The following SLC22A24 variants were observed in gnomAD, a reference collection of about 807,000 sequenced individuals.
SLC22A24 encodes the protein solute carrier family 22 member 24.
A neutral mutation model predicts 49.8 loss-of-function variants in SLC22A24; 53 were observed. That is an observed-to-expected ratio of 1.06 (90% CI 0.85 to 1.34). The LOEUF (loss-of-function observed/expected upper bound fraction) is 1.34. SLC22A24 is among the 40% of genes most tolerant of loss of function. SLC22A24 has a pLI of 0.00. For synonymous variants in SLC22A24, 302 were observed against 256.4 expected (o/e 1.18, Z -1.70); for missense variants, 786 against 675.9 (o/e 1.16, Z -1.81).
Position 63,081,575 on chromosome 11 carries a change from G to A in SLC22A24, c.1377C>T (p.Leu459=), listed in dbSNP as rs1250112543. Residue 459 remains leucine (L), a synonymous_variant, in exon 8 of 10, where the codon CTC becomes CTT. Transcript: ENST00000612278. ...SNSASVHHNE[L]VPTILRSTVA... ...TCTTGTACCTCAATATGGTGGGGAC[G>A]AGCTCGTTGTGGTGGACAGAAGCAC... 9.0e-6 allele frequency: 14 copies of A among 1,551,022 alleles called. No homozygotes were observed. Among genetic ancestry groups the A allele is most frequent in the East Asian group, 4.9e-5 (2 of 40,934 alleles).
chr11:63,131,898 T>G (rs1230266968), intron 2 of SLC22A24, among the ~76,000 whole-genome samples: 1 of 152,226 alleles, frequency 6.6e-6, no homozygotes, highest in Non-Finnish European at 1.5e-5. Flanking sequence ...CCATTTTCCC[T>G]GTCACTTTCA....
In SLC22A24 at chr11:63,096,030, G is replaced by A. The variant is rs559053081; in HGVS notation, c.1031C>T (p.Pro344Leu). The part of the protein sequence containing the change: ...KTSIFSLFRA[P>L]KLRMRVFGLC... ...GCCGAAGACTCTCATTCGCAATTTG[G>A]GTGCACGGAACAGGGAAAAAATGGA... The change falls in exon 6 of 10, where the codon CCC (proline) becomes CTC (leucine). Residue 344 changes from proline (P) to leucine (L), a missense_variant. Pro to Leu is a moderately conservative substitution (Grantham distance 98). Coordinates refer to ENST00000612278, the MANE Select transcript of SLC22A24 (RefSeq NM_001136506.2). 5 of 1,550,798 alleles carry A rather than the reference G, an allele frequency of 3.2e-6. No individual in the cohort carries two copies. The South Asian group carries it at 6.0e-5, about 18-fold the overall frequency.
chr11:63,113,211 T>TAC lies in SLC22A24; in HGVS notation c.830+5699_830+5700dup, dbSNP rs1227393928. Among the ~76,000 whole-genome samples, 14 of 3,364 alleles carry TAC rather than the reference T, an allele frequency of 4.2e-3. 2 individuals are homozygous for TAC. Among genetic ancestry groups the TAC allele is most frequent in the Non-Finnish European group, 0.01 (2 of 194 alleles). The allele number at this position is 3,364 out of a possible 152,430, so 2.2% of individuals were successfully genotyped here. ...ATACACATATATATATACATATATA[T>TAC]ACACATATATATATATACATATATA... is the stretch of plus-strand genomic sequence containing the variant. On this transcript the variant is annotated intron_variant, in intron 4 of 9. Transcript: ENST00000612278.
chr11:63,134,663 AC>A lies in SLC22A24; in HGVS notation c.506+1del. 2.0e-6 allele frequency: 3 copies of A among 1,499,832 alleles called. No homozygotes were observed. Among genetic ancestry groups the A allele is most frequent in the Non-Finnish European group, 2.7e-6 (3 of 1,099,202 alleles). 92.9% of individuals were successfully genotyped at this position (1,499,832 alleles called of 1,614,324 possible). A position where few individuals can be genotyped will look rare whatever the true frequency, so the allele number is the denominator to read the frequency against. Reference sequence around the variant, plus strand: ...CCCCAAAGAAAGTGAGATGACACTCACCTGTCTGAAAGATGGCCATATATTA... The same window carrying A: ...CCCCAAAGAAAGTGAGATGACACTCACTGTCTGAAAGATGGCCATATATTA... On this transcript the variant is annotated splice_donor_variant, in intron 2 of 9. Coordinates refer to ENST00000612278, the MANE Select transcript of SLC22A24 (RefSeq NM_001136506.2). LOFTEE classifies it high-confidence loss of function.
rs569814271 is a variant in SLC22A24 at position 63,111,888 on chromosome 11, C to T, written c.830+7024G>A. On this transcript the variant is annotated intron_variant, in intron 4 of 9. Coordinates refer to ENST00000612278, the MANE Select transcript of SLC22A24 (RefSeq NM_001136506.2). ...GATTTTAGTTATTTCTTGCCTTCTG[C>T]TAGCTTTTGAATGTGTTTGCTCTTG... Among the ~76,000 whole-genome samples the T allele has an allele frequency of 3.9e-5, 6 of 151,962 alleles. No homozygotes were observed. In the East Asian group the frequency reaches 9.7e-4, roughly 24 times the overall value.
chr11:63,110,885 G>T (rs1048221575), intron 4 of SLC22A24, among the ~76,000 whole-genome samples: 47 of 149,440 alleles, frequency 3.1e-4, no homozygotes, highest in Admixed American at 2.1e-3. Context: ...CCAACACTAT[G>T]TTGAATAGGA....
At chr11:63,105,087 G>A (rs2087112200) in intron 4 of SLC22A24, among the ~76,000 whole-genome samples, 1 of 152,238 alleles carries the variant, frequency 6.6e-6, no homozygotes, top group South Asian at 2.1e-4. Context: ...AGCTCCAAAT[G>A]ATGTTCCTTG....
intron 2 of SLC22A24, among the ~76,000 whole-genome samples, chr11:63,128,816 C>G (rs1395198493): frequency 6.6e-6 from 1 of 152,142 alleles, no homozygotes; most frequent in Non-Finnish European, 1.5e-5. Context: ...ACAGCGCAGC[C>G]TGGCATTCAG....
intron 4 of SLC22A24, among the ~76,000 whole-genome samples, chr11:63,112,519 G>T (rs1459816978): frequency 2.0e-5 from 3 of 151,902 alleles, no homozygotes; most frequent in Non-Finnish European, 4.4e-5. Flanking sequence ...TTCTTTATTA[G>T]TCTTGCTAGC....
Position 63,080,935 on chromosome 11 carries a change from T to C in SLC22A24, c.1583A>G (p.Gln528Arg), listed in dbSNP as rs1288177039. ...TRDLPLPNTI[Q>R]DVENDRKDSR... ...GTTTACTCACTCATTTTCCACATCC[T>C]GGATGGTGTTAGGAAGAGGTAGATC... Residue 528 changes from glutamine to arginine, a missense_variant, in exon 9 of 10, where the codon CAG becomes CGG. Coordinates refer to ENST00000612278, the MANE Select transcript of SLC22A24 (RefSeq NM_001136506.2). The C allele has an allele frequency of 5.8e-5, 90 of 1,551,810 alleles. No individual in the cohort carries two copies. Among genetic ancestry groups the C allele is most frequent in the Non-Finnish European group, 7.7e-5 (88 of 1,147,186 alleles).
intron 2 of SLC22A24, among the ~76,000 whole-genome samples, chr11:63,121,972 A>G (rs2087255661): frequency 6.6e-6 from 1 of 152,186 alleles, no homozygotes; most frequent in Non-Finnish European, 1.5e-5. Flanking sequence ...AAAGATGGGA[A>G]TAGAAACAAA....
intron 1 of SLC22A24, among the ~76,000 whole-genome samples, chr11:63,134,995 C>A (rs1438765240): frequency 6.6e-6 from 1 of 152,120 alleles, no homozygotes; most frequent in African/African-American, 2.4e-5. Flanking sequence ...ACCTCCTAAC[C>A]TTCCAAAATA....
At position 63,134,718 on chromosome 11, in the gene SLC22A24, T is replaced by C. The variant is rs763852933; in HGVS notation, c.453A>G (p.Leu151=). 6.4e-7 allele frequency: 1 copy of C among 1,564,082 alleles called. No homozygotes were observed. The highest frequency in any genetic ancestry group is 8.7e-7 in the Non-Finnish European group (1 of 1,152,984). The change falls in exon 2 of 10, where the codon CTA becomes CTG. Residue 151 remains leucine, a synonymous_variant. Coordinates refer to ENST00000612278, the MANE Select transcript of SLC22A24 (RefSeq NM_001136506.2). The part of the protein sequence containing the change: ...SQSLKSMVQS[L]FMAGSLLGGL... The stretch of plus-strand genomic sequence containing the variant: ...CTCCCAGAAGTGACCCAGCCATAAA[T>C]AGGGATTGAACCATTGATTTTAGTG...
At chr11:63,087,174 T>G (rs1455554740) in intron 6 of SLC22A24, among the ~76,000 whole-genome samples, 2 of 152,098 alleles carry the variant, frequency 1.3e-5, no homozygotes, top group Non-Finnish European at 2.9e-5. Flanking sequence ...AGCTCTGGTC[T>G]GCAGCTCCCA....
chr11:63,113,731 G>A (rs1053993361), intron 4 of SLC22A24, among the ~76,000 whole-genome samples: 1 of 151,652 alleles, frequency 6.6e-6, no homozygotes, highest in African/African-American at 2.4e-5. Flanking sequence ...GCACATGCCT[G>A]TAGTCCCAGC....
chr11:63,130,997 C>G (rs965617479), intron 2 of SLC22A24, among the ~76,000 whole-genome samples: 2 of 152,042 alleles, frequency 1.3e-5, no homozygotes, highest in Non-Finnish European at 2.9e-5. Flanking sequence ...GTTAGCTTTT[C>G]TTGTTGAATT....
In SLC22A24 at chr11:63,081,256, A is replaced by T. The variant is rs972994061; in HGVS notation, c.1395-133T>A. ...CATGGGCTTTGACAGCAAGCCCTTA[A>T]TTGTGACATTTACCTCTGTTGGTTT... On this transcript the variant is annotated intron_variant, in intron 8 of 9. Coordinates refer to ENST00000612278, the MANE Select transcript of SLC22A24 (RefSeq NM_001136506.2). 81 of 748,850 alleles carry T rather than the reference A, an allele frequency of 1.1e-4. 1 individual carries two copies. In the South Asian group the frequency reaches 1.4e-3, roughly 13 times the overall value. 46.4% of individuals were successfully genotyped at this position (748,850 alleles called of 1,614,324 possible). A position where few individuals can be genotyped will look rare whatever the true frequency, so the allele number is the denominator to read the frequency against.
intron 4 of SLC22A24, among the ~76,000 whole-genome samples, chr11:63,112,732 A>C (rs920007659): frequency 4.6e-5 from 7 of 151,850 alleles, no homozygotes; most frequent in Admixed American, 4.6e-4. Flanking sequence ...GCCCATTTAC[A>C]TTTAAGGTTA....
chr11:63,096,241 G>A (rs1308997820), intron 5 of SLC22A24, 135 bp from the exon 6 acceptor site: 1 of 587,716 alleles, frequency 1.7e-6, no homozygotes. Context: ...GGGAATATGA[G>A]CATTAAATAA....
Sources: gnomAD v4.1 joint callset for allele counts (sites outside exome capture counted in the v4.1 genomes callset) on GRCh38, gnomAD v4.1.1 for gene constraint, MANE v1.5 for transcripts, NCBI Gene and HGNC (gene_info 2026-07-23, HGNC 2026-07-21) for gene names.